The following TIMM50 variants were observed in gnomAD, a reference collection of about 807,000 sequenced individuals.
TIMM50 encodes mitochondrial import inner membrane translocase subunit TIM50.
TIMM50 carries 34 observed loss-of-function variants against 49.6 expected under a neutral mutation model. That is an observed-to-expected ratio of 0.69 (90% confidence interval 0.52 to 0.91). TIMM50 has a LOEUF of 0.91. Ranked by LOEUF, TIMM50 falls within the 40% of genes least tolerant of loss-of-function variation. The probability of loss-of-function intolerance (pLI) is 0.00; values close to 1 mark genes in which losing one functional copy is unlikely to be tolerated. For missense variants in TIMM50, 458 were observed against 477.8 expected (o/e 0.96, Z 0.39); for synonymous variants, 199 against 198.4 (o/e 1.00, Z -0.03).
intron 1 of TIMM50, 124 bp from the exon 2 acceptor site, chr19:39,481,759 A>T: frequency 1.6e-6 from 2 of 1,254,196 alleles, no homozygotes; most frequent in Non-Finnish European, 2.2e-6. Flanking sequence ...CCAGGGACAC[A>T]GATGTCCAGG....
At chr19:39,481,837 C>A in intron 1 of TIMM50, 46 bp from the exon 2 acceptor site, 1 of 1,594,300 alleles carries the variant, frequency 6.3e-7, no homozygotes. Flanking sequence ...GGGGACCATC[C>A]TGACCTCTCT....
At chr19:39,485,905 G>A (rs1027872138) in intron 6 of TIMM50, 98 bp downstream of exon 6, 91 of 1,531,620 alleles carry the variant, frequency 5.9e-5, no homozygotes, top group Non-Finnish European at 7.7e-5. Flanking sequence ...TGATCTTGGG[G>A]AGGAGATGTC....
chr19:39,491,814 G>A lies in TIMM50; in HGVS notation c.*1994G>A, dbSNP rs548870238. 6.7e-3 allele frequency: 850 copies of A among 127,262 alleles called. 8 individuals are homozygous for A. The highest frequency in any genetic ancestry group is 0.024 in the African/African-American group (794 of 32,896). The allele number at this position is 127,262 out of a possible 1,614,324, so 7.9% of individuals were successfully genotyped here. On this transcript the variant is annotated 3_prime_UTR_variant, in exon 11 of 11. Coordinates refer to ENST00000607714, the MANE Select transcript of TIMM50 (RefSeq NM_001001563.5). ...TAAATTCTAGCCTGGGCAACAGAGC[G>A]AGACCCTGTCTCAAAAAAAAAAAAA...
chr19:39,485,793 C>G lies in TIMM50; in HGVS notation c.478C>G (p.His160Asp). Residue 160 changes from histidine (H) to aspartate (D), a missense_variant, in exon 6 of 11, where the codon CAT (histidine) becomes GAT (aspartate). Transcript: ENST00000607714. ...TTTGGAGCTCACCGGCGTCCTCTTG[C>G]ATCCTGAGTGGTCGGTGTGTCCCGG... Reference protein sequence around the residue: ...LVLELTGVLLHPEWSLATGWR... With the variant: ...LVLELTGVLLDPEWSLATGWR... 1 of 1,614,172 alleles carries G rather than the reference C, an allele frequency of 6.2e-7. No homozygotes were observed. Among genetic ancestry groups the G allele is most frequent in the Non-Finnish European group, 8.5e-7 (1 of 1,180,028 alleles).
intron 4 of TIMM50, 129 bp downstream of exon 4, chr19:39,483,285 C>T (rs2079484815): frequency 2.4e-6 from 3 of 1,263,696 alleles, no homozygotes; most frequent in East Asian, 4.6e-5. Flanking sequence ...GAGCCAGCAG[C>T]TGGATGGCTT....
rs769125065 is a variant in TIMM50, at chr19:39,482,895, G to A, written c.270G>A (p.Pro90=). The A allele has an allele frequency of 1.4e-5, 23 of 1,614,078 alleles. No individual in the cohort carries two copies. The South Asian group carries it at 1.9e-4, about 13-fold the overall frequency. The change falls in exon 3 of 11, where the codon CCG becomes CCA. Residue 90 remains proline (P), a synonymous_variant. Coordinates refer to ENST00000607714, the MANE Select transcript of TIMM50 (RefSeq NM_001001563.5). ...TGGTCTCCCTTGCAGGAAACAACCC[G>A]GTGGACGAAAATGGTGCCAAGGTGA... The part of the protein sequence containing the change: ...VSVVYIFGNN[P]VDENGAKIPD...
At chr19:39,483,085 G>C in intron 3 of TIMM50, 50 bp from the exon 4 acceptor site, 1 of 1,613,490 alleles carries the variant, frequency 6.2e-7, no homozygotes, top group Non-Finnish European at 8.5e-7. Flanking sequence ...TATGTGATGG[G>C]GTTCTGCCTC....
intron 1 of TIMM50, chr19:39,481,362 G>T: frequency 3.4e-6 from 1 of 292,534 alleles, no homozygotes; most frequent in Non-Finnish European, 6.4e-6. Flanking sequence ...TGTTGACAGA[G>T]ACCCAGCCAT....
At chr19:39,488,241 G>A in intron 9 of TIMM50, 24 bp downstream of exon 9, 1 of 1,594,782 alleles carries the variant, frequency 6.3e-7, no homozygotes, top group Non-Finnish European at 8.6e-7. Context: ...CTGATCCCTT[G>A]GCCTCTGACC....
intron 2 of TIMM50, 27 bp from the exon 3 acceptor site, chr19:39,482,858 T>A: frequency 6.2e-7 from 1 of 1,613,934 alleles, no homozygotes; most frequent in Non-Finnish European, 8.5e-7. Context: ...CCCTAATTCC[T>A]CATATTCATC....
rs374474366 is a variant in TIMM50 at position 39,487,655 on chromosome 19, C to T, written c.697-406C>T. Among the ~76,000 whole-genome samples, 35 of 152,240 alleles carry T rather than the reference C, an allele frequency of 2.3e-4. 1 individual carries two copies. Among genetic ancestry groups the T allele is most frequent in the Middle Eastern group, 6.8e-3 (2 of 294 alleles). On this transcript the variant is annotated intron_variant, in intron 8 of 10. Coordinates refer to ENST00000607714, the MANE Select transcript of TIMM50 (RefSeq NM_001001563.5). ...TGTATTTTTAGTAGAGACAGAGTTTCGCCATGTTGCCCAGGCTGGTTTTGA... is the reference window on the plus strand; with the variant it reads ...TGTATTTTTAGTAGAGACAGAGTTTTGCCATGTTGCCCAGGCTGGTTTTGA...
chr19:39,483,003 G>A (rs777434495), intron 3 of TIMM50, 87 bp downstream of exon 3: 1 of 1,608,444 alleles, frequency 6.2e-7, no homozygotes, highest in East Asian at 2.2e-5. Context: ...GCACATTGCT[G>A]GTCTGGAGTG....
Position 39,482,032 on chromosome 19 carries a change from T to C in TIMM50, c.258T>C (p.Phe86=), listed in dbSNP as rs1600737047. 4.0e-5 allele frequency: 65 copies of C among 1,613,622 alleles called. No homozygotes were observed. Among genetic ancestry groups the C allele is most frequent in the Non-Finnish European group, 5.4e-5 (64 of 1,179,738 alleles). Residue 86 remains phenylalanine, a splice_region_variant and synonymous_variant, in exon 2 of 11, where the codon TTT becomes TTC. Coordinates refer to ENST00000607714, the MANE Select transcript of TIMM50 (RefSeq NM_001001563.5). ...GGACTGTGAGCGTCGTCTATATCTTTGGTGAGGGACATATCCCTGTCCCCC... is the reference window on the plus strand; with the variant it reads ...GGACTGTGAGCGTCGTCTATATCTTCGGTGAGGGACATATCCCTGTCCCCC... ...AGGTVSVVYI[F]GNNPVDENGA...
rs369195443 is a variant in TIMM50 at position 39,489,792 on chromosome 19, G to T, written c.1034G>T (p.Arg345Leu). 2 of 1,610,302 alleles carry T rather than the reference G, an allele frequency of 1.2e-6. No individual in the cohort carries two copies. The highest frequency in any genetic ancestry group is 8.5e-7 in the Non-Finnish European group (1 of 1,178,640). The change falls in exon 11 of 11, where the codon CGC becomes CTC. Residue 345 changes from arginine to leucine, a missense_variant. By Grantham distance (102) the Arg-to-Leu change is moderately radical. Coordinates refer to ENST00000607714, the MANE Select transcript of TIMM50 (RefSeq NM_001001563.5). ...CTCTTCCTTGGCTCCCTCACCAGCC[G>T]CTTGTGGCCTCGCTCCAAACAGCCC... ...QNLFLGSLTSRLWPRSKQP is the reference protein window; with the variant it reads ...QNLFLGSLTSLLWPRSKQP
Position 39,491,844 on chromosome 19 carries a change from A to C in TIMM50, c.*2024A>C, listed in dbSNP as rs1386579852. 6.6e-6 allele frequency: 1 copy of C among 151,362 alleles called. No individual in the cohort carries two copies. Among genetic ancestry groups the C allele is most frequent in the Non-Finnish European group, 1.5e-5 (1 of 67,938 alleles). 9.4% of individuals were successfully genotyped at this position (151,362 alleles called of 1,614,324 possible). A position where few individuals can be genotyped will look rare whatever the true frequency, so the allele number is the denominator to read the frequency against. On this transcript the variant is annotated 3_prime_UTR_variant, in exon 11 of 11. Transcript: ENST00000607714. ...CCTGTCTCAAAAAAAAAAAAAAAAA[A>C]AAAAAAACCTTAAGATTTTTTTTTG...
intron 4 of TIMM50, among the ~76,000 whole-genome samples, chr19:39,484,566 A>G (rs2079492358): frequency 6.6e-6 from 1 of 152,172 alleles, no homozygotes; most frequent in Non-Finnish European, 1.5e-5. Flanking sequence ...TCTGCCTACT[A>G]GATGCCAGTA....
chr19:39,481,544 G>T (rs2079471852), intron 1 of TIMM50, among the ~76,000 whole-genome samples: 1 of 152,010 alleles, frequency 6.6e-6, no homozygotes, highest in African/African-American at 2.4e-5. Context: ...CCCACCACTT[G>T]TGCCCTCCGT....
rs187197829 is a variant in TIMM50, at chr19:39,491,494, T to C, written c.*1674T>C. 8 of 151,274 alleles carry C rather than the reference T, an allele frequency of 5.3e-5. No individual in the cohort carries two copies. The highest frequency in any genetic ancestry group is 4.6e-4 in the Admixed American group (7 of 15,194). 9.4% of individuals were successfully genotyped at this position (151,274 alleles called of 1,614,324 possible). A position where few individuals can be genotyped will look rare whatever the true frequency, so the allele number is the denominator to read the frequency against. On this transcript the variant is annotated 3_prime_UTR_variant, in exon 11 of 11. Coordinates refer to ENST00000607714, the MANE Select transcript of TIMM50 (RefSeq NM_001001563.5). ...ACATAAAGTTTCTGAGCACTTGAAA[T>C]GTGGCTAGTGTGACTGAGAAACTGA...
Position 39,488,579 on chromosome 19 carries a change from G to A in TIMM50, c.894G>A (p.Leu298=), listed in dbSNP as rs2079523508. 1 of 1,613,388 alleles carries A rather than the reference G, an allele frequency of 6.2e-7. No individual in the cohort carries two copies. Among genetic ancestry groups the A allele is most frequent in the Non-Finnish European group, 8.5e-7 (1 of 1,180,028 alleles). The change falls in exon 10 of 11, where the codon CTG becomes CTA. Residue 298 remains leucine (L), a synonymous_variant. Coordinates refer to ENST00000607714, the MANE Select transcript of TIMM50 (RefSeq NM_001001563.5). ...LNGVEDVRTV[L]EHYALEDDPL... is the part of the protein sequence containing the mutation. Reference sequence around the variant, plus strand: ...GTGTGGAGGACGTGCGAACCGTGCTGGAGCACTATGCCCTGGAGGATGACC... The same window carrying A: ...GTGTGGAGGACGTGCGAACCGTGCTAGAGCACTATGCCCTGGAGGATGACC...
Sources: gnomAD v4.1 joint callset for allele counts (sites outside exome capture counted in the v4.1 genomes callset) on GRCh38, gnomAD v4.1.1 for gene constraint, MANE v1.5 for transcripts, NCBI Gene and HGNC (gene_info 2026-07-23, HGNC 2026-07-21) for gene names.